The following CETP variants were observed in gnomAD, a reference collection of about 807,000 sequenced individuals.
CETP encodes BPI fold containing family F.
In CETP, 56 loss-of-function variants were observed where a neutral mutation model predicts 66.5. The ratio of observed to expected loss-of-function variants is 0.84; its 90% CI spans 0.68 to 1.05. CETP has a LOEUF of 1.05. Among genes scored for constraint, CETP ranks in the 50% least tolerant of loss-of-function variants. The probability of loss-of-function intolerance (pLI) is 0.00; values close to 1 mark genes in which losing one functional copy is unlikely to be tolerated. For missense variants in CETP, 612 were observed against 609.6 expected, an observed-to-expected ratio of 1.00 and a Z score of -0.04; for synonymous variants, 251 against 245.7, an observed-to-expected ratio of 1.02 and a Z score of -0.20.
In CETP at chr16:56,972,144, G is replaced by C. The variant is rs1351219602; in HGVS notation, c.750+61G>C. The C allele has an allele frequency of 6.1e-6, 8 of 1,321,712 alleles. No individual in the cohort carries two copies. The East Asian group carries it at 1.4e-4, about 23-fold the overall frequency. The allele number at this position is 1,321,712 out of a possible 1,614,324, so 81.9% of individuals were successfully genotyped here. On this transcript the variant is annotated intron_variant, in intron 8 of 15. Transcript: ENST00000200676. ...TCCCCAGGGGAGTTGGTCCTTTTTT[G>C]TGCTCTGACAACCCCGTCCCCCAGC...
In CETP at chr16:56,981,160, T is replaced by C; in HGVS notation, c.1149T>C (p.Asp383=). The C allele has an allele frequency of 6.2e-7, 1 of 1,612,970 alleles. No individual in the cohort carries two copies. The highest frequency in any genetic ancestry group is 2.2e-5 in the East Asian group (1 of 44,870). ...GCAAATTTGGTTTCTCTCCCCAGGA[T>C]ATCGTGACTACCGTCCAGGCCTCCT... is the stretch of plus-strand genomic sequence containing the variant. ...QHSVAYTFEE[D]IVTTVQASYS... is the part of the protein sequence containing the mutation. The change falls in exon 12 of 16, where the codon GAT becomes GAC. Residue 383 remains aspartate (D), a splice_region_variant and synonymous_variant. Transcript: ENST00000200676.
intron 14 of CETP, among the ~76,000 whole-genome samples, chr16:56,983,007 T>C (rs1201690113): frequency 6.6e-6 from 1 of 152,296 alleles, no homozygotes; most frequent in Non-Finnish European, 1.5e-5. Flanking sequence ...TGAGAAGCTG[T>C]GTGGGAAAGT....
intron 2 of CETP, among the ~76,000 whole-genome samples, chr16:56,968,922 G>A (rs555271273): frequency 4.7e-4 from 71 of 151,926 alleles, no homozygotes; most frequent in Non-Finnish European, 8.4e-4. Context: ...TCCATAAGGT[G>A]GAAAGTTTGA....
At position 56,969,684 on chromosome 16, in the gene CETP, A is replaced by G; in HGVS notation, c.439+3A>G. 1 of 1,613,790 alleles carries G rather than the reference A, an allele frequency of 6.2e-7. No homozygotes were observed. The highest frequency in any genetic ancestry group is 2.2e-5 in the East Asian group (1 of 44,890). ...CCTCCAGATCAACACACAGCTGAGT[A>G]TGTGTCAAGCGTCCTCTGGGGAAGT... On this transcript the variant is annotated splice_donor_region_variant and intron_variant, in intron 4 of 15. Coordinates refer to ENST00000200676, the MANE Select transcript of CETP (RefSeq NM_000078.3).
rs146130974 is a variant in CETP at position 56,964,108 on chromosome 16, C to G, written c.233+984C>G. On this transcript the variant is annotated intron_variant, in intron 2 of 15. Transcript: ENST00000200676. ...GTGGCACGATCTCAGCTCACTGCAA[C>G]CTCCACCTCCCGGGTTCAAGACGTT... Among the ~76,000 whole-genome samples, 352 of 151,892 alleles carry G rather than the reference C, an allele frequency of 2.3e-3. 1 individual carries two copies. The highest frequency in any genetic ancestry group is 7.9e-3 in the African/African-American group (326 of 41,408).
chr16:56,979,517 A>T (rs914113057), intron 11 of CETP, among the ~76,000 whole-genome samples: 1 of 150,396 alleles, frequency 6.6e-6, no homozygotes, highest in Non-Finnish European at 1.5e-5. Context: ...AATATCTTCA[A>T]TTTTTTTTTT....
At position 56,981,652 on chromosome 16, in the gene CETP, C is replaced by T. The variant is rs757530691; in HGVS notation, c.1220C>T (p.Thr407Ile). ...LFLSLLDFQI[T>I]PKTVSNLTES... is the part of the protein sequence containing the mutation. Reference sequence around the variant, plus strand: ...TCATCGCTTTTTTATTTCAGGATTACACCAAAGACTGTTTCCAACTTGACT... The same window carrying T: ...TCATCGCTTTTTTATTTCAGGATTATACCAAAGACTGTTTCCAACTTGACT... Residue 407 changes from threonine (T) to isoleucine (I), a missense_variant, in exon 13 of 16, where the codon ACA becomes ATA. By Grantham distance (89) the Thr-to-Ile change is moderately conservative. Transcript: ENST00000200676. The T allele has an allele frequency of 6.2e-7, 1 of 1,613,944 alleles. No individual in the cohort carries two copies.
intron 2 of CETP, among the ~76,000 whole-genome samples, chr16:56,969,163 C>G (rs867424413): frequency 2.6e-5 from 4 of 152,006 alleles, no homozygotes; most frequent in African/African-American, 7.2e-5. Flanking sequence ...CCACCTACCC[C>G]AAGGTCCTTA....
At chr16:56,962,245 G>C (rs1596992719) in intron 1 of CETP, 148 bp downstream of exon 1, 1 of 782,956 alleles carries the variant, frequency 1.3e-6, no homozygotes, top group Non-Finnish European at 2.3e-6. Context: ...GATGGGCTGA[G>C]TGGAGCTGTC....
Position 56,963,114 on chromosome 16 carries a change from G to C in CETP, c.223G>C (p.Gly75Arg), listed in dbSNP as rs766793959. The change falls in exon 2 of 16, where the codon GGG becomes CGG. Residue 75 changes from glycine (G) to arginine (R), a missense_variant. Coordinates refer to ENST00000200676, the MANE Select transcript of CETP (RefSeq NM_000078.3). ...AMMLLGQVKY[G>R]LHNIQISHLS... ...GATGCTCCTTGGCCAAGTCAAGTAT[G>C]GGTTGCACAAGTGAGTCGGGCCTCG... is the stretch of plus-strand genomic sequence containing the variant. The C allele has an allele frequency of 6.2e-7, 1 of 1,613,970 alleles. No homozygotes were observed. Among genetic ancestry groups the C allele is most frequent in the Non-Finnish European group, 8.5e-7 (1 of 1,179,846 alleles).
chr16:56,969,830 C>G (rs1332620739), intron 4 of CETP, 84 bp from the exon 5 acceptor site: 1 of 1,552,804 alleles, frequency 6.4e-7, no homozygotes, highest in East Asian at 2.3e-5. Context: ...CCAGAGCTGG[C>G]CAAGCTCTTG....
chr16:56,963,549 C>G (rs1235514214), intron 2 of CETP, among the ~76,000 whole-genome samples: 1 of 152,236 alleles, frequency 6.6e-6, no homozygotes, highest in Non-Finnish European at 1.5e-5. Flanking sequence ...GCCAGTCCCC[C>G]ACCCCAAGCC....
chr16:56,968,487 A>G (rs1194322933), intron 2 of CETP, among the ~76,000 whole-genome samples: 1 of 152,090 alleles, frequency 6.6e-6, no homozygotes, highest in East Asian at 1.9e-4. Context: ...ACGCTGGCCC[A>G]CCAACCTATT....
intron 8 of CETP, among the ~76,000 whole-genome samples, chr16:56,972,402 G>C (rs528990985): frequency 4.6e-5 from 7 of 152,294 alleles, no homozygotes; most frequent in African/African-American, 1.7e-4. Flanking sequence ...CCCCCAGGGG[G>C]TACTGACAAA....
At chr16:56,972,296 G>C (rs558692663) in intron 8 of CETP, among the ~76,000 whole-genome samples, 1 of 152,192 alleles carries the variant, frequency 6.6e-6, no homozygotes, top group Non-Finnish European at 1.5e-5. Context: ...GCAGGCACCA[G>C]GGCTGCCCAC....
Position 56,962,013 on chromosome 16 carries a change from C to T in CETP, c.34C>T (p.Leu12=), listed in dbSNP as rs1460617147. The T allele has an allele frequency of 6.2e-7, 1 of 1,614,126 alleles. No individual in the cohort carries two copies. Among genetic ancestry groups the T allele is most frequent in the Non-Finnish European group, 8.5e-7 (1 of 1,180,026 alleles). Reference sequence around the variant, plus strand: ...TGCCACAGTCCTGACCCTGGCCCTGCTGGGCAATGCCCATGCCTGCTCCAA... The same window carrying T: ...TGCCACAGTCCTGACCCTGGCCCTGTTGGGCAATGCCCATGCCTGCTCCAA... ...LAATVLTLAL[L]GNAHACSKGT... Residue 12 remains leucine (L), a synonymous_variant, in exon 1 of 16, where the codon CTG becomes TTG. Transcript: ENST00000200676.
At chr16:56,962,756 G>A (rs920185348) in intron 1 of CETP, among the ~76,000 whole-genome samples, 1 of 152,118 alleles carries the variant, frequency 6.6e-6, no homozygotes, top group African/African-American at 2.4e-5. Context: ...GGATCGTGGG[G>A]TTCCCATGTG....
chr16:56,979,593 C>G (rs1214225069), intron 11 of CETP, among the ~76,000 whole-genome samples: 4 of 151,844 alleles, frequency 2.6e-5, no homozygotes, highest in African/African-American at 9.7e-5. Flanking sequence ...TCACTGCAAC[C>G]TCCACCTTCC....
In CETP at chr16:56,970,011, C is replaced by T. The variant is rs747572365; in HGVS notation, c.527+10C>T. 1 of 1,611,778 alleles carries T rather than the reference C, an allele frequency of 6.2e-7. No individual in the cohort carries two copies. The highest frequency in any genetic ancestry group is 8.5e-7 in the Non-Finnish European group (1 of 1,178,916). ...TCCAAGGGGAGCGAGAGTAAGTACA[C>T]CACCCTGTGGCCCCCATTCCTGCTC... is the stretch of plus-strand genomic sequence containing the variant. On this transcript the variant is annotated intron_variant, in intron 5 of 15. Coordinates refer to ENST00000200676, the MANE Select transcript of CETP (RefSeq NM_000078.3).
Sources: gnomAD v4.1 joint callset for allele counts (sites outside exome capture counted in the v4.1 genomes callset) on GRCh38, gnomAD v4.1.1 for gene constraint, MANE v1.5 for transcripts, NCBI Gene and HGNC (gene_info 2026-07-23, HGNC 2026-07-21) for gene names.